Variants in TMEM74 observed in about 807,000 individuals in gnomAD.
The protein encoded by TMEM74 is transmembrane protein 74.
A neutral mutation model predicts 18.1 loss-of-function variants in TMEM74; 13 were observed. The ratio of observed to expected loss-of-function variants is 0.72; its 90% confidence interval spans 0.47 to 1.14. The LOEUF (loss-of-function observed/expected upper bound fraction) is 1.14. Ranked by LOEUF, TMEM74 falls within the 50% of genes most tolerant of loss-of-function variation. TMEM74 has a pLI of 0.00. For missense variants in TMEM74, 372 were observed against 375.9 expected (o/e 0.99, Z 0.09); for synonymous variants, 159 against 146.6 (o/e 1.08, Z -0.61).
chr8:108,724,556 TA>T (rs1389716383), intron 1 of TMEM74, among the ~76,000 whole-genome samples: 1 of 152,208 alleles, frequency 6.6e-6, no homozygotes, highest in Non-Finnish European at 1.5e-5. Context: ...AAGAGATGAT[TA>T]AATTTTTTCC....
chr8:108,674,358 A>G lies in TMEM74; in HGVS notation n.120-18921T>C, dbSNP rs527307427. ...AAAAGAGAGTGTGATCCAAAAAACAAAGTGAATTATACTGGAAACAAATAT... is the reference window on the plus strand; with the variant it reads ...AAAAGAGAGTGTGATCCAAAAAACAGAGTGAATTATACTGGAAACAAATAT... On this transcript the variant is annotated intron_variant and non_coding_transcript_variant, in intron 1 of 3. Coordinates refer to the TMEM74 transcript ENST00000518838. Among the ~76,000 whole-genome samples, 20 of 152,268 alleles carry G rather than the reference A, an allele frequency of 1.3e-4. No homozygotes were observed. The South Asian group carries it at 4.1e-3, about 32-fold the overall frequency.
At chr8:108,742,505 C>T (rs146458363) in intron 1 of TMEM74, among the ~76,000 whole-genome samples, 1,907 of 152,244 alleles carry the variant, frequency 0.013, 20 homozygotes, top group Non-Finnish European at 0.021. Context: ...ATTCTGACAG[C>T]GAATCTAAGA....
chr8:108,667,545 G>A (rs1254948653), intron 1 of TMEM74, among the ~76,000 whole-genome samples: 1 of 152,092 alleles, frequency 6.6e-6, no homozygotes, highest in Non-Finnish European at 1.5e-5. Context: ...GTTGTAATAG[G>A]TAACTTATTA....
intron 1 of TMEM74, among the ~76,000 whole-genome samples, chr8:108,715,865 C>G (rs937963816): frequency 1.3e-5 from 2 of 151,756 alleles, no homozygotes; most frequent in Non-Finnish European, 2.9e-5. Context: ...ATTTATGAGA[C>G]AAGTAACCCT....
At chr8:108,620,740 A>C (rs923550158) in intron 2 of TMEM74, among the ~76,000 whole-genome samples, 1 of 151,922 alleles carries the variant, frequency 6.6e-6, no homozygotes, top group Non-Finnish European at 1.5e-5. Context: ...ATCCTTTTTC[A>C]ATTTTTGGAA....
At chr8:108,680,132 T>G (rs1354566255) in intron 1 of TMEM74, among the ~76,000 whole-genome samples, 1 of 152,068 alleles carries the variant, frequency 6.6e-6, no homozygotes, top group Non-Finnish European at 1.5e-5. Context: ...TTCCAATCAA[T>G]AGAAAAAGAG....
At chr8:108,699,494 GA>G (rs931959806) in intron 1 of TMEM74, among the ~76,000 whole-genome samples, 1 of 151,966 alleles carries the variant, frequency 6.6e-6, no homozygotes, top group Non-Finnish European at 1.5e-5. Flanking sequence ...ACATTATCAG[GA>G]GTTAATCTCA....
chr8:108,669,427 C>T (rs1298335492), intron 1 of TMEM74, among the ~76,000 whole-genome samples: 2 of 152,068 alleles, frequency 1.3e-5, no homozygotes, highest in Non-Finnish European at 2.9e-5. Context: ...AAAGCTTTCA[C>T]CTTCTATTCT....
chr8:108,721,201 G>A (rs1387128574), intron 1 of TMEM74, among the ~76,000 whole-genome samples: 1 of 152,124 alleles, frequency 6.6e-6, no homozygotes, highest in Non-Finnish European at 1.5e-5. Flanking sequence ...CCCAACCTCT[G>A]TATCCAAGAC....
At chr8:108,640,740 G>T (rs1812657614) in intron 2 of TMEM74, among the ~76,000 whole-genome samples, 1 of 152,034 alleles carries the variant, frequency 6.6e-6, no homozygotes, top group African/African-American at 2.4e-5. Context: ...GAAAAATATT[G>T]TCATTTTGGC....
chr8:108,618,232 G>A (rs1309537344), intron 2 of TMEM74, among the ~76,000 whole-genome samples: 1 of 152,126 alleles, frequency 6.6e-6, no homozygotes, highest in Non-Finnish European at 1.5e-5. Flanking sequence ...AATGATATAT[G>A]GAATGGATTC....
intron 2 of TMEM74, among the ~76,000 whole-genome samples, chr8:108,640,948 T>G (rs1210092847): frequency 6.6e-6 from 1 of 152,210 alleles, no homozygotes; most frequent in Non-Finnish European, 1.5e-5. Flanking sequence ...ATAAATCACT[T>G]TTTAGATGAT....
intron 1 of TMEM74, among the ~76,000 whole-genome samples, chr8:108,704,116 C>T (rs1482788910): frequency 1.3e-5 from 2 of 152,170 alleles, no homozygotes; most frequent in African/African-American, 4.8e-5. Context: ...AAGTTTGATG[C>T]TTGGAAAGGT....
At chr8:108,662,469 T>TAAG (rs59434530) in intron 1 of TMEM74, among the ~76,000 whole-genome samples, 5,231 of 152,200 alleles carry the variant, frequency 0.034, 300 homozygotes, top group African/African-American at 0.12. Flanking sequence ...TTGAGGTTTT[T>TAAG]AAGATTTCTT....
chr8:108,778,550 G>C (rs762394972), downstream of TMEM74, among the ~76,000 whole-genome samples: 1 of 152,204 alleles, frequency 6.6e-6, no homozygotes, highest in Non-Finnish European at 1.5e-5. Context: ...AAAGGATGTA[G>C]ATAAGAATCT....
chr8:108,609,011 C>A (rs1812307363), intron 2 of TMEM74, among the ~76,000 whole-genome samples: 1 of 152,120 alleles, frequency 6.6e-6, no homozygotes, highest in Non-Finnish European at 1.5e-5. Flanking sequence ...AATTTTATTT[C>A]CCTCTTGCCT....
chr8:108,785,290 G>A (rs1245239946), intron 1 of TMEM74, among the ~76,000 whole-genome samples, 153 bp from the exon 2 acceptor site: 4 of 152,192 alleles, frequency 2.6e-5, no homozygotes, highest in Non-Finnish European at 4.4e-5. Flanking sequence ...GGGATACCTA[G>A]TGGCAGGAAA....
intron 2 of TMEM74, among the ~76,000 whole-genome samples, chr8:108,640,118 T>TC (rs1812649224): frequency 7.4e-6 from 1 of 135,662 alleles, no homozygotes; most frequent in Non-Finnish European, 1.6e-5. Context: ...GTAATCACTT[T>TC]TTTTTTTTTT....
chr8:108,676,322 T>G (rs1277569602), intron 1 of TMEM74, among the ~76,000 whole-genome samples: 1 of 152,154 alleles, frequency 6.6e-6, no homozygotes, highest in East Asian at 1.9e-4. Flanking sequence ...GGACCCTACG[T>G]GGTCTTGTCT....
Sources: gnomAD v4.1 joint callset for allele counts (sites outside exome capture counted in the v4.1 genomes callset) on GRCh38, gnomAD v4.1.1 for gene constraint, MANE v1.5 for transcripts, NCBI Gene and HGNC (gene_info 2026-07-23, HGNC 2026-07-21) for gene names.